ADAM28: variants seen among roughly 807,000 people sequenced by gnomAD.
The protein encoded by ADAM28 is disintegrin and metalloproteinase domain-containing protein 28.
A neutral mutation model predicts 101.2 loss-of-function variants in ADAM28; 105 were observed. That is an observed-to-expected ratio of 1.04 (90% confidence interval 0.89 to 1.22). The LOEUF (loss-of-function observed/expected upper bound fraction) is 1.22, where lower values mean the gene tolerates loss of function less well. ADAM28 is among the 50% of genes most tolerant of loss of function. The pLI, the probability that ADAM28 is intolerant of heterozygous loss-of-function variation, is 0.00. For synonymous variants in ADAM28, 322 were observed against 310.6 expected, an observed-to-expected ratio of 1.04 and a Z score of -0.39; for missense variants, 1,028 against 945.4, an observed-to-expected ratio of 1.09 and a Z score of -1.15.
At chr8:24,325,321 T>C (rs1338405323) in intron 9 of ADAM28, among the ~76,000 whole-genome samples, 1 of 151,914 alleles carries the variant, frequency 6.6e-6, no homozygotes, top group Non-Finnish European at 1.5e-5. Flanking sequence ...AAAGATACGA[T>C]GAAAGGAAAT....
intron 2 of ADAM28, 113 bp downstream of exon 2, chr8:24,300,190 ATGTG>A: frequency 1.2e-6 from 1 of 861,098 alleles, no homozygotes; most frequent in Non-Finnish European, 1.7e-6. Context: ...ATGTTTATAT[ATGTG>A]TGTGTGTGTA....
chr8:24,317,256 A>G (rs1328014953), intron 6 of ADAM28, among the ~76,000 whole-genome samples: 1 of 152,092 alleles, frequency 6.6e-6, no homozygotes, highest in African/African-American at 2.4e-5. Context: ...CTGAGAAAAA[A>G]AAAGACATCA....
intron 19 of ADAM28, among the ~76,000 whole-genome samples, chr8:24,350,936 T>C (rs1816041882): frequency 6.6e-6 from 1 of 151,860 alleles, no homozygotes; most frequent in Non-Finnish European, 1.5e-5. Flanking sequence ...AGTTTTTTAA[T>C]ATTGAGTAAG....
intron 16 of ADAM28, 64 bp from the exon 17 acceptor site, chr8:24,343,037 G>C: frequency 6.2e-7 from 1 of 1,609,214 alleles, no homozygotes; most frequent in African/African-American, 1.3e-5. Context: ...TCTTCACACA[G>C]ACCTCAACTT....
At chr8:24,346,245 A>C (rs1398479762) in intron 18 of ADAM28, among the ~76,000 whole-genome samples, 1 of 152,102 alleles carries the variant, frequency 6.6e-6, no homozygotes, top group Non-Finnish European at 1.5e-5. Flanking sequence ...TAGTATTAGC[A>C]ATATTCCATG....
chr8:24,338,468 G>C (rs1162089403), intron 14 of ADAM28, among the ~76,000 whole-genome samples: 1 of 151,634 alleles, frequency 6.6e-6, no homozygotes, highest in Non-Finnish European at 1.5e-5. Context: ...CTTCCATGTA[G>C]ATTAGGAATA....
chr8:24,346,198 T>C (rs1815379921), intron 18 of ADAM28, among the ~76,000 whole-genome samples: 1 of 152,138 alleles, frequency 6.6e-6, no homozygotes, highest in African/African-American at 2.4e-5. Context: ...TTTAGAATTT[T>C]CTACAATTAT....
intron 13 of ADAM28, 147 bp from the exon 14 acceptor site, chr8:24,335,299 A>T: frequency 1.5e-6 from 2 of 1,339,784 alleles, no homozygotes; most frequent in Non-Finnish European, 2.0e-6. Context: ...TCATGGCTTT[A>T]ATTTATGACA....
chr8:24,324,495 G>A (rs1812287699), intron 9 of ADAM28, among the ~76,000 whole-genome samples: 1 of 151,988 alleles, frequency 6.6e-6, no homozygotes, highest in Non-Finnish European at 1.5e-5. Flanking sequence ...ATGCTGCTGG[G>A]TAGATGGATA....
rs772414479 is a variant in ADAM28 at position 24,330,029 on chromosome 8, T to G, written c.1017T>G (p.His339Gln). Reference sequence around the variant, plus strand: ...TTAGAGTTGCAGGGACAATGGCACATGAAATGGGCCACAACTTTGGAATGT... The same window carrying G: ...TTAGAGTTGCAGGGACAATGGCACAGGAAATGGGCCACAACTTTGGAATGT... ...NLLRVAGTMA[H>Q]EMGHNFGMFH... Residue 339 changes from histidine (H) to glutamine (Q), a missense_variant, in exon 11 of 23, where the codon CAT (histidine) becomes CAG (glutamine). Transcript: ENST00000265769. 6.2e-7 allele frequency: 1 copy of G among 1,613,638 alleles called. No homozygotes were observed. Among genetic ancestry groups the G allele is most frequent in the Non-Finnish European group, 8.5e-7 (1 of 1,179,738 alleles).
chr8:24,316,721 AC>A (rs1811209061), intron 6 of ADAM28, among the ~76,000 whole-genome samples: 2 of 152,080 alleles, frequency 1.3e-5, no homozygotes, highest in African/African-American at 4.8e-5. Context: ...TACCAGAAGT[AC>A]TATCAAAAGC....
At position 24,332,749 on chromosome 8, in the gene ADAM28, A is replaced by G. The variant is rs201705688; in HGVS notation, c.1371A>G (p.Gln457=). ...TAGGAGAATGTTGTGAAAAATGCCA[A>G]GTAAGATTATTTTATTCTATTTTAA... ...CALGECCEKC[Q]FKKAGMVCRP... The change falls in exon 13 of 23, where the codon CAA becomes CAG. Residue 457 remains glutamine (Q), a splice_region_variant and synonymous_variant. Transcript: ENST00000265769. 39 of 1,429,546 alleles carry G rather than the reference A, an allele frequency of 2.7e-5. No individual in the cohort carries two copies. In the Middle Eastern group the frequency reaches 6.1e-4, roughly 22 times the overall value. 88.6% of individuals were successfully genotyped at this position (1,429,546 alleles called of 1,614,324 possible).
intron 2 of ADAM28, among the ~76,000 whole-genome samples, chr8:24,301,144 C>T (rs1363389466): frequency 1.3e-5 from 2 of 152,182 alleles, no homozygotes; most frequent in Non-Finnish European, 2.9e-5. Context: ...ACTCGGTGCA[C>T]ATATTCCCTC....
At chr8:24,306,565 C>T (rs1490889354) in intron 2 of ADAM28, among the ~76,000 whole-genome samples, 1 of 151,660 alleles carries the variant, frequency 6.6e-6, no homozygotes, top group Non-Finnish European at 1.5e-5. Flanking sequence ...AGGATTGTCA[C>T]ATTTAGCAAA....
intron 10 of ADAM28, among the ~76,000 whole-genome samples, chr8:24,328,654 A>G (rs1171526954): frequency 1.3e-5 from 2 of 152,048 alleles, no homozygotes; most frequent in African/African-American, 4.8e-5. Flanking sequence ...AGTTGCATTA[A>G]GATGGACCTC....
rs570442888 is a variant in ADAM28 at position 24,309,959 on chromosome 8, G to GA, written c.224dup (p.Asn75LysfsTer15). On this transcript the variant is annotated frameshift_variant, in exon 3 of 23. Coordinates refer to ENST00000265769, the MANE Select transcript of ADAM28 (RefSeq NM_014265.6). LOFTEE classifies it high-confidence loss of function. ...ATGGAAAAATTGCAGTGCTTTATTT[G>GA]AAAAAAAACAAGTAAGTATCTTTAC... The GA allele has an allele frequency of 1.5e-4, 227 of 1,556,276 alleles. No homozygotes were observed. The highest frequency in any genetic ancestry group is 9.1e-4 in the South Asian group (80 of 88,078).
intron 18 of ADAM28, chr8:24,346,980 A>G (rs1183723391): frequency 2.0e-5 from 3 of 152,098 alleles, no homozygotes; most frequent in Non-Finnish European, 4.4e-5. Flanking sequence ...TACATTTGTT[A>G]CATCCATGAA....
intron 2 of ADAM28, among the ~76,000 whole-genome samples, chr8:24,306,201 G>A (rs970771490): frequency 6.6e-6 from 1 of 151,142 alleles, no homozygotes; most frequent in Non-Finnish European, 1.5e-5. Context: ...AAATTAGCTG[G>A]GTGTGGTGGT....
chr8:24,350,022 C>A, intron 19 of ADAM28, 50 bp downstream of exon 19: 1 of 1,534,158 alleles, frequency 6.5e-7, no homozygotes, highest in South Asian at 1.2e-5. Flanking sequence ...CCCTATTTTA[C>A]TTTACTTTAA....
Sources: allele counts gnomAD v4.1 joint callset (sites outside exome capture counted in the v4.1 genomes callset), GRCh38; gene constraint gnomAD v4.1.1; transcripts MANE v1.5; gene names NCBI Gene and HGNC (gene_info 2026-07-23, HGNC 2026-07-21).